Variants in BBS9 observed in about 807,000 individuals in gnomAD.
BBS9 encodes Bardet-Biedl syndrome 9, also known as protein PTHB1.
In BBS9, 89 loss-of-function variants were observed where a neutral mutation model predicts 117.7. That is an observed-to-expected ratio of 0.76 (90% CI 0.64 to 0.90). The LOEUF (loss-of-function observed/expected upper bound fraction) is 0.90. Ranked by LOEUF, BBS9 falls within the 40% of genes least tolerant of loss-of-function variation. The probability of loss-of-function intolerance (pLI) is 0.00; values close to 1 mark genes in which losing one functional copy is unlikely to be tolerated. For synonymous variants in BBS9, 379 were observed against 370.9 expected (o/e 1.02, Z -0.25); for missense variants, 982 against 1,042.2 (o/e 0.94, Z 0.80).
chr7:33,303,561 G>A (rs1033629544), intron 9 of BBS9, among the ~76,000 whole-genome samples: 5 of 122,172 alleles, frequency 4.1e-5, no homozygotes, highest in Admixed American at 1.2e-4. Context: ...CTCTGTTGCC[G>A]AGGCTGGACT....
At chr7:33,289,779 C>T (rs1420162806) in intron 9 of BBS9, among the ~76,000 whole-genome samples, 1 of 152,014 alleles carries the variant, frequency 6.6e-6, no homozygotes, top group Non-Finnish European at 1.5e-5. Context: ...TGTGGTGGCT[C>T]ACGCCTGTAA....
chr7:33,289,140 C>G (rs554236701), intron 9 of BBS9, among the ~76,000 whole-genome samples: 19 of 152,266 alleles, frequency 1.2e-4, no homozygotes, highest in African/African-American at 4.6e-4. Context: ...AATATTCTAT[C>G]TAACAAGACG....
chr7:33,214,729 A>G (rs1050935252), intron 5 of BBS9, among the ~76,000 whole-genome samples: 3 of 152,234 alleles, frequency 2.0e-5, no homozygotes, highest in African/African-American at 4.8e-5. Context: ...AAGATATTCC[A>G]TGCTTATAGA....
intron 5 of BBS9, among the ~76,000 whole-genome samples, chr7:33,220,519 A>C (rs958116158): frequency 6.6e-6 from 1 of 152,228 alleles, no homozygotes; most frequent in Non-Finnish European, 1.5e-5. Flanking sequence ...ATGTATATAA[A>C]ACTACTTTGT....
chr7:33,337,782 T>C (rs781344694), intron 10 of BBS9, among the ~76,000 whole-genome samples: 6 of 152,142 alleles, frequency 3.9e-5, no homozygotes, highest in Non-Finnish European at 8.8e-5. Flanking sequence ...AATAGAATTA[T>C]AAGTCTTGTT....
At chr7:33,570,335 G>A (rs986608484) in intron 21 of BBS9, among the ~76,000 whole-genome samples, 4 of 151,984 alleles carry the variant, frequency 2.6e-5, no homozygotes, top group Admixed American at 2.6e-4. Context: ...GCCAAAGCTG[G>A]AACAATTTGA....
intron 9 of BBS9, among the ~76,000 whole-genome samples, chr7:33,292,599 A>G (rs1804296002): frequency 6.6e-6 from 1 of 152,220 alleles, no homozygotes. Context: ...TGAATATCCC[A>G]TGAAGAGTCT....
intron 4 of BBS9, among the ~76,000 whole-genome samples, chr7:33,169,836 T>G (rs953816145): frequency 2.0e-5 from 3 of 151,362 alleles, no homozygotes; most frequent in African/African-American, 7.3e-5. Context: ...TTTGTCAATT[T>G]TGTCTTTTGT....
At chr7:33,390,593 G>A (rs957479736) in intron 19 of BBS9, 2 of 971,662 alleles carry the variant, frequency 2.1e-6, no homozygotes, top group Non-Finnish European at 2.4e-6. Flanking sequence ...ATAAATGAGG[G>A]TGAGGTGTTG....
chr7:33,363,251 C>T lies in BBS9; in HGVS notation c.1694-4516C>T, dbSNP rs185387262. Reference sequence around the variant, plus strand: ...CCAAGTAGTTGGGACTACAGGCACACGCCACCATGCCTGGCTAATTTTTGT... The same window carrying T: ...CCAAGTAGTTGGGACTACAGGCACATGCCACCATGCCTGGCTAATTTTTGT... On this transcript the variant is annotated intron_variant, in intron 16 of 22. Coordinates refer to ENST00000242067, the MANE Select transcript of BBS9 (RefSeq NM_198428.3). Among the ~76,000 whole-genome samples the T allele has an allele frequency of 1.8e-3, 270 of 152,158 alleles. 5 individuals are homozygous for T. The South Asian group carries it at 0.032, about 18-fold the overall frequency.
intron 5 of BBS9, among the ~76,000 whole-genome samples, chr7:33,203,852 A>G (rs1786379924): frequency 6.6e-6 from 1 of 151,256 alleles, no homozygotes; most frequent in South Asian, 2.1e-4. Context: ...CCTCCCGAAT[A>G]GCTGGGATTA....
chr7:33,426,881 T>C (rs1014451035), intron 19 of BBS9, among the ~76,000 whole-genome samples: 1 of 152,148 alleles, frequency 6.6e-6, no homozygotes, highest in African/African-American at 2.4e-5. Context: ...TACTATATTC[T>C]GTACTATATT....
chr7:33,502,711 A>G (rs899890673), intron 19 of BBS9, among the ~76,000 whole-genome samples: 3 of 152,112 alleles, frequency 2.0e-5, no homozygotes, highest in African/African-American at 7.2e-5. Context: ...AAGGCCCCCT[A>G]CACTCAGCTA....
intron 5 of BBS9, among the ~76,000 whole-genome samples, chr7:33,216,094 C>T (rs1005484467): frequency 2.0e-5 from 3 of 152,156 alleles, no homozygotes; most frequent in African/African-American, 7.2e-5. Context: ...GTTTAATGAC[C>T]TTGAACTCTG....
chr7:33,238,449 C>A (rs908692801), intron 5 of BBS9, among the ~76,000 whole-genome samples: 4 of 152,116 alleles, frequency 2.6e-5, no homozygotes, highest in Non-Finnish European at 5.9e-5. Flanking sequence ...GGCCACCACG[C>A]CTGGCTAATT....
chr7:33,229,372 C>T (rs1022957914), intron 5 of BBS9, among the ~76,000 whole-genome samples: 1 of 151,758 alleles, frequency 6.6e-6, no homozygotes, highest in Non-Finnish European at 1.5e-5. Flanking sequence ...TGTATTCTGT[C>T]TCCCCATTTT....
intron 9 of BBS9, among the ~76,000 whole-genome samples, chr7:33,274,821 C>T (rs1036417495): frequency 6.6e-6 from 1 of 151,866 alleles, no homozygotes; most frequent in Non-Finnish European, 1.5e-5. Flanking sequence ...ATGGTGAAAC[C>T]CTGTCTCTAC....
intron 19 of BBS9, among the ~76,000 whole-genome samples, chr7:33,444,378 A>G (rs939080679): frequency 6.6e-6 from 1 of 152,220 alleles, no homozygotes. Flanking sequence ...TTTACATGAT[A>G]TAGATTATTT....
intron 5 of BBS9, among the ~76,000 whole-genome samples, chr7:33,222,209 T>C (rs1583706981): frequency 1.3e-5 from 2 of 152,326 alleles, no homozygotes; most frequent in African/African-American, 4.8e-5. Context: ...ATAGAAATGA[T>C]AGATGTTATA....
Sources: allele counts gnomAD v4.1 joint callset (sites outside exome capture counted in the v4.1 genomes callset), GRCh38; gene constraint gnomAD v4.1.1; transcripts MANE v1.5; gene names NCBI Gene and HGNC (gene_info 2026-07-23, HGNC 2026-07-21).